The following LGR5 variants were observed in gnomAD, a reference collection of about 807,000 sequenced individuals.
LGR5 encodes the protein leucine-rich repeat-containing G protein-coupled receptor 5.
LGR5 carries 54 observed loss-of-function variants against 76.7 expected under a neutral mutation model. The ratio of observed to expected loss-of-function variants is 0.70; its 90% confidence interval spans 0.57 to 0.88. The LOEUF (loss-of-function observed/expected upper bound fraction) is 0.88, where lower values mean the gene tolerates loss of function less well. Among genes scored for constraint, LGR5 ranks in the 40% least tolerant of loss-of-function variants. The pLI is 0.00. For missense variants in LGR5, 1,078 were observed against 1,073.3 expected, an observed-to-expected ratio of 1.00 and a Z score of -0.06; for synonymous variants, 406 against 421.9, an observed-to-expected ratio of 0.96 and a Z score of 0.46.
chr12:71,461,840 C>T (rs1247655221), intron 1 of LGR5, among the ~76,000 whole-genome samples: 1 of 152,110 alleles, frequency 6.6e-6, no homozygotes, highest in East Asian at 1.9e-4. Flanking sequence ...CCTCAATCAT[C>T]CTGGACCACT....
intron 16 of LGR5, 93 bp downstream of exon 16, chr12:71,580,516 C>A: frequency 7.5e-7 from 1 of 1,336,800 alleles, no homozygotes; most frequent in Non-Finnish European, 1.0e-6. Context: ...ATCGAACAGG[C>A]CGGGTGTGGT....
At chr12:71,553,722 G>A (rs1384946258) in intron 5 of LGR5, among the ~76,000 whole-genome samples, 1 of 152,196 alleles carries the variant, frequency 6.6e-6, no homozygotes, top group East Asian at 1.9e-4. Flanking sequence ...AACAAATGAT[G>A]TAACTGCTCA....
At chr12:71,510,151 T>C (rs1021010622) in intron 2 of LGR5, among the ~76,000 whole-genome samples, 7 of 152,324 alleles carry the variant, frequency 4.6e-5, no homozygotes, top group Admixed American at 2.6e-4. Context: ...TGAAAACATC[T>C]TCATGCCCAT....
intron 1 of LGR5, among the ~76,000 whole-genome samples, chr12:71,502,085 A>G (rs1477377832): frequency 1.3e-5 from 2 of 152,100 alleles, no homozygotes; most frequent in Non-Finnish European, 2.9e-5. Flanking sequence ...ACAGGTGGTA[A>G]GGGGTTGGTT....
At chr12:71,452,121 CT>C (rs972431034) in intron 1 of LGR5, among the ~76,000 whole-genome samples, 3 of 152,220 alleles carry the variant, frequency 2.0e-5, no homozygotes, top group Non-Finnish European at 4.4e-5. Flanking sequence ...CTTGCCCATG[CT>C]TTTCTTCTGC....
At chr12:71,550,099 G>C (rs1040963002) in intron 4 of LGR5, among the ~76,000 whole-genome samples, 1 of 152,112 alleles carries the variant, frequency 6.6e-6, no homozygotes, top group African/African-American at 2.4e-5. Context: ...TGCTGAAAGA[G>C]CCTTTTCCAT....
At chr12:71,448,890 A>C (rs1286148673) in intron 1 of LGR5, 1 of 152,236 alleles carries the variant, frequency 6.6e-6, no homozygotes, top group Admixed American at 6.5e-5. Flanking sequence ...GACCCTTAGC[A>C]GACATGCCTG....
intron 1 of LGR5, among the ~76,000 whole-genome samples, chr12:71,453,486 T>G (rs1872333670): frequency 6.7e-6 from 1 of 149,956 alleles, no homozygotes; most frequent in Non-Finnish European, 1.5e-5. Context: ...TTTTTTAATC[T>G]CATCCACCCT....
chr12:71,510,323 T>C (rs1177721336), intron 2 of LGR5, among the ~76,000 whole-genome samples: 4 of 152,192 alleles, frequency 2.6e-5, no homozygotes, highest in Admixed American at 6.5e-5. Flanking sequence ...CAGCTAGATA[T>C]AGACATTTAG....
rs147220543 is a variant in LGR5, at chr12:71,481,624, C to T, written c.213-22990C>T. 2.6e-3 allele frequency among the ~76,000 whole-genome samples: 397 copies of T among 152,052 alleles called. 4 individuals carry two copies. The highest frequency in any genetic ancestry group is 5.8e-3 in the African/African-American group (239 of 41,448). ...GCCTTTGCATGTGTTTCAGGATATT[C>T]GATGAAATGTGGGTGGGGAAAGGAA... On this transcript the variant is annotated intron_variant, in intron 1 of 17. Coordinates refer to ENST00000266674, the MANE Select transcript of LGR5 (RefSeq NM_003667.4).
chr12:71,465,310 T>G (rs1872820552), intron 1 of LGR5, among the ~76,000 whole-genome samples: 1 of 152,182 alleles, frequency 6.6e-6, no homozygotes. Context: ...ATCATGAAAG[T>G]GGACTCACCA....
intron 4 of LGR5, among the ~76,000 whole-genome samples, chr12:71,541,044 A>G (rs1274421336): frequency 6.6e-6 from 1 of 152,206 alleles, no homozygotes; most frequent in Non-Finnish European, 1.5e-5. Flanking sequence ...GAAGTTCTAG[A>G]GGCCAAAGCA....
chr12:71,464,377 C>T (rs539903052), intron 1 of LGR5, among the ~76,000 whole-genome samples: 1 of 152,114 alleles, frequency 6.6e-6, no homozygotes, highest in Non-Finnish European at 1.5e-5. Context: ...ACCCAGGAGC[C>T]GTGCCCAGAA....
intron 1 of LGR5, among the ~76,000 whole-genome samples, chr12:71,446,571 C>T (rs1872003060): frequency 6.6e-6 from 1 of 152,156 alleles, no homozygotes. Flanking sequence ...ATTTCCATTG[C>T]TCAAAATATT....
At chr12:71,567,038 G>GC in intron 11 of LGR5, 126 bp downstream of exon 11, 1 of 755,084 alleles carries the variant, frequency 1.3e-6, no homozygotes, top group Non-Finnish European at 2.3e-6. Flanking sequence ...TCTGCAGGAG[G>GC]TCAAGCCTCC....
chr12:71,445,141 G>T (rs1254962230), intron 1 of LGR5, among the ~76,000 whole-genome samples: 3 of 152,156 alleles, frequency 2.0e-5, no homozygotes, highest in Non-Finnish European at 4.4e-5. Context: ...AAGCTAAATG[G>T]CACATTTTCT....
At chr12:71,527,887 A>T (rs1283293350) in intron 3 of LGR5, among the ~76,000 whole-genome samples, 1 of 152,234 alleles carries the variant, frequency 6.6e-6, no homozygotes, top group Non-Finnish European at 1.5e-5. Context: ...ATTGGCGTGT[A>T]GCAAGCTGTC....
At chr12:71,509,932 A>C (rs913571876) in intron 2 of LGR5, among the ~76,000 whole-genome samples, 6 of 152,216 alleles carry the variant, frequency 3.9e-5, no homozygotes, top group African/African-American at 1.4e-4. Flanking sequence ...CTATTATTAC[A>C]GATGAAATTT....
chr12:71,547,695 G>A (rs547787346), intron 4 of LGR5, among the ~76,000 whole-genome samples: 1 of 152,276 alleles, frequency 6.6e-6, no homozygotes, highest in South Asian at 2.1e-4. Context: ...ACTTAAATCT[G>A]TGTCTCAAGT....
Sources: gnomAD v4.1 joint callset for allele counts (sites outside exome capture counted in the v4.1 genomes callset) on GRCh38, gnomAD v4.1.1 for gene constraint, MANE v1.5 for transcripts, NCBI Gene and HGNC (gene_info 2026-07-23, HGNC 2026-07-21) for gene names.